The following RASGRP3 variants were observed in gnomAD, a reference collection of about 807,000 sequenced individuals.
RASGRP3 encodes the protein RAS guanyl releasing protein 3, also known as ras guanyl-releasing protein 3.
A neutral mutation model predicts 82.7 loss-of-function variants in RASGRP3; 54 were observed. The ratio of observed to expected loss-of-function variants is 0.65; its 90% CI spans 0.52 to 0.82. The LOEUF is 0.82. Among genes scored for constraint, RASGRP3 ranks in the 40% least tolerant of loss-of-function variants. RASGRP3 has a pLI of 0.00. For synonymous variants in RASGRP3, 309 were observed against 300.5 expected, an observed-to-expected ratio of 1.03 and a Z score of -0.29; for missense variants, 861 against 828.9, an observed-to-expected ratio of 1.04 and a Z score of -0.48.
At chr2:33,547,342 C>CTTTTTT (rs59601670) in intron 13 of RASGRP3, among the ~76,000 whole-genome samples, 1,155 of 68,186 alleles carry the variant, frequency 0.017, 165 homozygotes, top group African/African-American at 0.029. Flanking sequence ...ATATAGAATC[C>CTTTTTT]TTTTTTTTTT....
chr2:33,561,909 T>A (rs934007415), intron 17 of RASGRP3, among the ~76,000 whole-genome samples: 1 of 152,218 alleles, frequency 6.6e-6, no homozygotes, highest in Admixed American at 6.5e-5. Context: ...AATACATGTA[T>A]TTCCTTTAAA....
chr2:33,494,501 G>A (rs1033362088), intron 1 of RASGRP3, among the ~76,000 whole-genome samples: 1 of 152,196 alleles, frequency 6.6e-6, no homozygotes, highest in African/African-American at 2.4e-5. Context: ...CTACCGTGAT[G>A]AATATCTGTG....
At chr2:33,520,417 G>A (rs925286514) in intron 5 of RASGRP3, 136 bp from the exon 6 acceptor site, 44 of 1,162,382 alleles carry the variant, frequency 3.8e-5, no homozygotes, top group East Asian at 4.7e-5. Flanking sequence ...TTGGAGACAG[G>A]AGATGGCTAA....
At position 33,470,449 on chromosome 2, in the gene RASGRP3, A is replaced by C. The variant is rs1041203659; in HGVS notation, c.-261+22506A>C. On this transcript the variant is annotated intron_variant, in intron 2 of 18. Transcript: ENST00000402538. ...GGCTGGAGTGCAGTGGCGCGATCTC[A>C]GCTCACTGCAAGCTCCGCCTGACGG... Among the ~76,000 whole-genome samples, 3 of 148,750 alleles carry C rather than the reference A, an allele frequency of 2.0e-5. No homozygotes were observed. In the South Asian group the frequency reaches 6.3e-4, roughly 31 times the overall value.
chr2:33,541,168 T>G (rs1674252276), intron 12 of RASGRP3, among the ~76,000 whole-genome samples: 1 of 147,160 alleles, frequency 6.8e-6, no homozygotes, highest in Non-Finnish European at 1.5e-5. Context: ...ATGGGAAACT[T>G]TTTTTATTCT....
At chr2:33,474,609 G>A (rs928644625), upstream of RASGRP3, among the ~76,000 whole-genome samples, 4 of 152,178 alleles carry the variant, frequency 2.6e-5, no homozygotes, top group African/African-American at 9.7e-5. Context: ...AGCTGATAGT[G>A]AGTTCTGGCA....
At chr2:33,532,553 A>G (rs1397859204) in intron 10 of RASGRP3, 1 of 152,210 alleles carries the variant, frequency 6.6e-6, no homozygotes, top group Non-Finnish European at 1.5e-5. Context: ...ATGGCTCCCA[A>G]AGGCATTTGT....
chr2:33,463,983 T>A (rs1378901114), intron 2 of RASGRP3, among the ~76,000 whole-genome samples: 2 of 151,952 alleles, frequency 1.3e-5, no homozygotes, highest in Non-Finnish European at 2.9e-5. Flanking sequence ...TATGTTTTTT[T>A]ACAAATTGAA....
Position 33,516,630 on chromosome 2 carries a change from A to T in RASGRP3, c.159A>T (p.Glu53Asp), listed in dbSNP as rs1027412929. 3 of 1,561,756 alleles carry T rather than the reference A, an allele frequency of 1.9e-6. No individual in the cohort carries two copies. The highest frequency in any genetic ancestry group is 2.6e-6 in the Non-Finnish European group (3 of 1,140,274). The stretch of plus-strand genomic sequence containing the variant: ...ATTTATCTTCCACTGAATTGGCAGA[A>T]AAACTTCTCTGCATATATCTTTTCA... ...RWYLSSTELAEKLLCMYRNAT... is the reference protein window; with the variant it reads ...RWYLSSTELADKLLCMYRNAT... The change falls in exon 4 of 18, where the codon GAA becomes GAT. Residue 53 changes from glutamate (E) to aspartate (D), a missense_variant. Transcript: ENST00000403687.
chr2:33,438,064 A>G (rs1665019182), intron 1 of RASGRP3, among the ~76,000 whole-genome samples: 1 of 152,220 alleles, frequency 6.6e-6, no homozygotes, highest in Non-Finnish European at 1.5e-5. Context: ...GATCATGTTG[A>G]ACTCATTTCC....
chr2:33,560,806 A>T (rs1292738274), intron 17 of RASGRP3, among the ~76,000 whole-genome samples: 1 of 152,232 alleles, frequency 6.6e-6, no homozygotes, highest in Admixed American at 6.5e-5. Flanking sequence ...TGTTTAACAA[A>T]TAGTGAAATT....
At chr2:33,505,706 T>C (rs978637069) in intron 1 of RASGRP3, among the ~76,000 whole-genome samples, 5 of 152,224 alleles carry the variant, frequency 3.3e-5, no homozygotes, top group African/African-American at 1.2e-4. Context: ...TCAAGTTTCC[T>C]AGTTCTGGGT....
rs576488376 is a variant in RASGRP3, at chr2:33,478,500, G to A, written c.-261+1793G>A. ...GTGAAATTGTGTCTCCGGAATCATC[G>A]AGCCTCCCATAATAAAATGGAATGT... On this transcript the variant is annotated intron_variant, in intron 1 of 17. Coordinates refer to ENST00000403687, the MANE Select transcript of RASGRP3 (RefSeq NM_001139488.2). Among the ~76,000 whole-genome samples the A allele has an allele frequency of 1.5e-3, 233 of 152,204 alleles. 4 individuals carry two copies. The highest frequency in any genetic ancestry group is 0.01 in the Middle Eastern group (3 of 294).
At chr2:33,507,363 C>T (rs771335640) in intron 1 of RASGRP3, among the ~76,000 whole-genome samples, 6 of 152,114 alleles carry the variant, frequency 3.9e-5, no homozygotes, top group Non-Finnish European at 8.8e-5. Flanking sequence ...CCACTGCACT[C>T]CAGCCTGGGT....
intron 14 of RASGRP3, 48 bp downstream of exon 14, chr2:33,549,799 G>A: frequency 1.3e-6 from 2 of 1,557,684 alleles, no homozygotes; most frequent in Non-Finnish European, 8.7e-7. Context: ...TATTTGTGTG[G>A]CATTCTGAAA....
At chr2:33,546,425 A>G (rs555091154) in intron 13 of RASGRP3, among the ~76,000 whole-genome samples, 1 of 150,256 alleles carries the variant, frequency 6.7e-6, no homozygotes, top group Non-Finnish European at 1.5e-5. Context: ...TCCGTCTCAA[A>G]AAAAAAAAAA....
At chr2:33,471,925 C>T (rs1048313263), upstream of RASGRP3, among the ~76,000 whole-genome samples, 10 of 151,984 alleles carry the variant, frequency 6.6e-5, no homozygotes, top group African/African-American at 2.4e-4. Flanking sequence ...TCTAAAGTTT[C>T]CCCAAGAGCG....
At chr2:33,484,388 G>A (rs865804721) in intron 1 of RASGRP3, among the ~76,000 whole-genome samples, 2 of 152,228 alleles carry the variant, frequency 1.3e-5, no homozygotes, top group South Asian at 2.1e-4. Flanking sequence ...ATTTGGTTCT[G>A]GAAAACTCAT....
chr2:33,558,738 T>C lies in RASGRP3; in HGVS notation c.1772T>C (p.Ile591Thr). ...AGHRDLDSRA[I>T]TLVTGSSRKI... ...CACAGGGATTTAGACAGCAGAGCCA[T>C]CACACTGGTTACAGGCTCTTCTCGC... Residue 591 changes from isoleucine to threonine, a missense_variant, in exon 17 of 18, where the codon ATC becomes ACC. By Grantham distance (89) the Ile-to-Thr change is moderately conservative (BLOSUM62 -1). Transcript: ENST00000403687. 1 of 1,613,890 alleles carries C rather than the reference T, an allele frequency of 6.2e-7. No homozygotes were observed. Among genetic ancestry groups the C allele is most frequent in the South Asian group, 1.1e-5 (1 of 91,068 alleles).
Sources: gnomAD v4.1 joint callset for allele counts (sites outside exome capture counted in the v4.1 genomes callset) on GRCh38, gnomAD v4.1.1 for gene constraint, MANE v1.5 for transcripts, NCBI Gene and HGNC (gene_info 2026-07-23, HGNC 2026-07-21) for gene names.